The following SCAND3 variants were observed in gnomAD, a reference collection of about 807,000 sequenced individuals.
The protein encoded by SCAND3 is SCAN domain containing 3, also known as SCAN domain-containing protein 3.
At chr6:28,596,415 AAT>A in the SCAND3 span, among the ~76,000 whole-genome samples, 1 of 152,052 alleles carries the variant, frequency 6.6e-6, no homozygotes, top group Non-Finnish European at 1.5e-5. Context: ...TAAAAATAGA[AAT>A]ATATATGTTA....
the SCAND3 span, chr6:28,589,411 T>C: frequency 6.6e-6 from 1 of 152,134 alleles, no homozygotes; most frequent in Admixed American, 6.5e-5. Flanking sequence ...CACTCTGGAC[T>C]TTGAATCCAG....
the SCAND3 span, among the ~76,000 whole-genome samples, chr6:28,583,235 T>C: frequency 6.6e-6 from 1 of 151,788 alleles, no homozygotes; most frequent in African/African-American, 2.4e-5. Flanking sequence ...TACTAAAAAT[T>C]AGCCGGGCGT....
At chr6:28,584,589 C>G in the SCAND3 span, among the ~76,000 whole-genome samples, 2 of 152,162 alleles carry the variant, frequency 1.3e-5, no homozygotes, top group South Asian at 4.2e-4. Flanking sequence ...GCCTTAAACC[C>G]CACAGTGTGT....
the SCAND3 span, among the ~76,000 whole-genome samples, chr6:28,578,093 C>T: frequency 6.6e-6 from 1 of 152,326 alleles, no homozygotes; most frequent in South Asian, 2.1e-4. Context: ...GGATGTTTGG[C>T]TTTCCTGTGC....
At chr6:28,615,658 T>C in the SCAND3 span, among the ~76,000 whole-genome samples, 1 of 151,060 alleles carries the variant, frequency 6.6e-6, no homozygotes. Context: ...GTCAACTACA[T>C]ATACAGTAGT....
At chr6:28,607,561 G>T in the SCAND3 span, among the ~76,000 whole-genome samples, 1 of 149,346 alleles carries the variant, frequency 6.7e-6, no homozygotes, top group South Asian at 2.1e-4. Flanking sequence ...AGAGTTCTTA[G>T]AGCAAAGAAC....
chr6:28,585,735 T>C, the SCAND3 span, among the ~76,000 whole-genome samples: 1 of 152,326 alleles, frequency 6.6e-6, no homozygotes, highest in Non-Finnish European at 1.5e-5. Flanking sequence ...TGTTCTAAAA[T>C]TACTGTCAAA....
At chr6:28,592,996 TTGTC>T in the SCAND3 span, among the ~76,000 whole-genome samples, 1 of 148,216 alleles carries the variant, frequency 6.7e-6, no homozygotes, top group Non-Finnish European at 1.5e-5. This position sits in a 1 kb window ranked among gnomAD's most constrained non-coding sequence, Gnocchi z 4.1. Context: ...CTCCATGACA[TTGTC>T]TGGGCAATGA....
At chr6:28,581,887 T>C in the SCAND3 span, among the ~76,000 whole-genome samples, 2 of 152,260 alleles carry the variant, frequency 1.3e-5, no homozygotes, top group African/African-American at 2.4e-5. Context: ...AAGGGTAGAA[T>C]AGACACTGGG....
the SCAND3 span, among the ~76,000 whole-genome samples, chr6:28,581,011 C>T: frequency 6.6e-6 from 1 of 152,040 alleles, no homozygotes; most frequent in African/African-American, 2.4e-5. Context: ...ATTAGTCTTT[C>T]AGTATTCAAT....
At chr6:28,579,174 A>G in the SCAND3 span, 2 of 1,102,962 alleles carry the variant, frequency 1.8e-6, no homozygotes, top group Non-Finnish European at 2.6e-6. The surrounding 1 kb of genome is among the most constrained non-coding windows in gnomAD (Gnocchi z 4.5). Context: ...TAATACATTC[A>G]GTAGAAGCTG....
chr6:28,592,197 T>C, the SCAND3 span, among the ~76,000 whole-genome samples: 1 of 152,142 alleles, frequency 6.6e-6, no homozygotes, highest in African/African-American at 2.4e-5. The surrounding 1 kb of genome is among the most constrained non-coding windows in gnomAD (Gnocchi z 4.1). Flanking sequence ...ATAGAAATCC[T>C]AAAGATGTTA....
the SCAND3 span, among the ~76,000 whole-genome samples, chr6:28,615,403 C>A: frequency 6.6e-6 from 1 of 152,064 alleles, no homozygotes; most frequent in African/African-American, 2.4e-5. Flanking sequence ...CATTTGAGGT[C>A]AGGAGTTCAA....
the SCAND3 span, chr6:28,570,886 T>G: frequency 6.6e-6 from 1 of 152,320 alleles, no homozygotes; most frequent in African/African-American, 2.4e-5. Flanking sequence ...AAATAGAGGT[T>G]GTTAAATCTA....
chr6:28,611,865 T>C, the SCAND3 span, among the ~76,000 whole-genome samples: 1 of 152,228 alleles, frequency 6.6e-6, no homozygotes, highest in Admixed American at 6.5e-5. Context: ...TGCATATACA[T>C]AACACAGGCT....
the SCAND3 span, among the ~76,000 whole-genome samples, chr6:28,612,413 T>G: frequency 2.0e-5 from 3 of 152,202 alleles, no homozygotes; most frequent in Non-Finnish European, 4.4e-5. Context: ...CTAACTCTAC[T>G]TTTGTCATAC....
the SCAND3 span, among the ~76,000 whole-genome samples, chr6:28,606,921 A>G: frequency 6.6e-6 from 1 of 152,204 alleles, no homozygotes; most frequent in Non-Finnish European, 1.5e-5. Flanking sequence ...CTTATGGTTG[A>G]AAACAGCAGG....
chr6:28,588,291 AT>A, the SCAND3 span, among the ~76,000 whole-genome samples: 1 of 152,140 alleles, frequency 6.6e-6, no homozygotes, highest in African/African-American at 2.4e-5. The surrounding 1 kb of genome is among the most constrained non-coding windows in gnomAD (Gnocchi z 4.1). Context: ...ATCCTTTGCA[AT>A]CAGGGATTCT....
chr6:28,598,666 GA>G, the SCAND3 span, among the ~76,000 whole-genome samples: 1 of 148,830 alleles, frequency 6.7e-6, no homozygotes, highest in African/African-American at 2.5e-5. Flanking sequence ...CCAACATTGT[GA>G]AACCCTGTTT....
Sources: gnomAD v4.1 joint callset for allele counts (sites outside exome capture counted in the v4.1 genomes callset) on GRCh38, gnomAD v4.1.1 for gene constraint, Gnocchi (gnomAD v3.1) non-coding constraint, MANE v1.5 for transcripts, NCBI Gene and HGNC (gene_info 2026-07-23, HGNC 2026-07-21) for gene names.